ZBTB7C: variants seen among roughly 807,000 people sequenced by gnomAD.
ZBTB7C encodes zinc finger and BTB domain-containing protein 7C.
In ZBTB7C, 8 loss-of-function variants were observed where a neutral mutation model predicts 25.7. The observed-to-expected ratio is 0.31, with a 90% CI of 0.18 to 0.56. The LOEUF (loss-of-function observed/expected upper bound fraction) is 0.56, where lower values mean the gene tolerates loss of function less well. Ranked by LOEUF, ZBTB7C falls within the 20% of genes least tolerant of loss-of-function variation. The pLI is 0.91. For synonymous variants in ZBTB7C, 394 were observed against 369.0 expected, an observed-to-expected ratio of 1.07 and a Z score of -0.78; for missense variants, 824 against 855.2, an observed-to-expected ratio of 0.96 and a Z score of 0.46.
chr18:48,291,559 G>A (rs1598796574), intron 2 of ZBTB7C, among the ~76,000 whole-genome samples: 1 of 152,256 alleles, frequency 6.6e-6, no homozygotes, highest in South Asian at 2.1e-4. Flanking sequence ...ACCGGGACAG[G>A]CAGCCCAGGA....
intron 1 of ZBTB7C, among the ~76,000 whole-genome samples, chr18:48,351,422 C>T (rs1464191971): frequency 6.6e-6 from 1 of 152,140 alleles, no homozygotes; most frequent in African/African-American, 2.4e-5. Context: ...TCTCAACCAG[C>T]AAACTTCTCC....
intron 2 of ZBTB7C, among the ~76,000 whole-genome samples, chr18:48,201,025 T>A (rs2042432845): frequency 6.6e-6 from 1 of 152,168 alleles, no homozygotes; most frequent in African/African-American, 2.4e-5. Context: ...CATGTGGGCA[T>A]CGCACCTGCG....
chr18:48,146,862 G>A (rs72922118), intron 3 of ZBTB7C, among the ~76,000 whole-genome samples: 26,090 of 152,190 alleles, frequency 0.17, 2,361 homozygotes, highest in South Asian at 0.24. Flanking sequence ...TGCCACAGAA[G>A]TCACCAAATT....
intron 3 of ZBTB7C, among the ~76,000 whole-genome samples, chr18:48,087,977 G>T (rs995834452): frequency 2.0e-5 from 3 of 151,864 alleles, no homozygotes; most frequent in Non-Finnish European, 2.9e-5. Context: ...GACTAAAACA[G>T]TAGCTTTATA....
At chr18:48,067,282 T>C (rs1436202284) in intron 3 of ZBTB7C, among the ~76,000 whole-genome samples, 3 of 152,170 alleles carry the variant, frequency 2.0e-5, no homozygotes, top group African/African-American at 7.2e-5. Context: ...TATGAGTCCA[T>C]GATAAATAAA....
At chr18:48,112,309 C>T (rs2039275122) in intron 3 of ZBTB7C, among the ~76,000 whole-genome samples, 3 of 109,976 alleles carry the variant, frequency 2.7e-5, no homozygotes, top group Non-Finnish European at 5.2e-5. Context: ...TCCCACCCAT[C>T]CTTCCTTCTT....
intron 2 of ZBTB7C, among the ~76,000 whole-genome samples, chr18:48,206,814 G>A (rs563599322): frequency 5.1e-4 from 78 of 152,236 alleles, no homozygotes; most frequent in African/African-American, 1.9e-3. Context: ...AAAGAAGTTC[G>A]TTAAACAGGA....
At chr18:48,133,334 G>A (rs2040044882) in intron 3 of ZBTB7C, among the ~76,000 whole-genome samples, 1 of 152,200 alleles carries the variant, frequency 6.6e-6, no homozygotes, top group South Asian at 2.1e-4. Context: ...AGATGGAGGG[G>A]GCCTTCCAAA....
chr18:48,081,760 T>G (rs2037994337), intron 3 of ZBTB7C, among the ~76,000 whole-genome samples: 1 of 152,142 alleles, frequency 6.6e-6, no homozygotes, highest in African/African-American at 2.4e-5. Flanking sequence ...TTGTGCTGTG[T>G]GACCTGGAAG....
intron 3 of ZBTB7C, chr18:48,149,192 G>A (rs941226535): frequency 7.1e-6 from 1 of 140,316 alleles, no homozygotes; most frequent in Admixed American, 7.0e-5. Flanking sequence ...GTGTGCGCAC[G>A]TGTGTGTGCA....
At chr18:48,043,417 T>C (rs561819084) in intron 3 of ZBTB7C, among the ~76,000 whole-genome samples, 5 of 152,340 alleles carry the variant, frequency 3.3e-5, no homozygotes, top group Non-Finnish European at 4.4e-5. Context: ...AAGGAGTGAA[T>C]TCTCAATATG....
chr18:48,046,341 T>C (rs2144207813), intron 3 of ZBTB7C, among the ~76,000 whole-genome samples: 1 of 152,354 alleles, frequency 6.6e-6, no homozygotes, highest in Non-Finnish European at 1.5e-5. Context: ...ATTGAGGAAG[T>C]GACACCTTTT....
intron 2 of ZBTB7C, among the ~76,000 whole-genome samples, chr18:48,308,236 A>G (rs2045724889): frequency 6.6e-6 from 1 of 152,010 alleles, no homozygotes; most frequent in African/African-American, 2.4e-5. Context: ...TGCTTCTTCC[A>G]CTCCCTGCCC....
intron 2 of ZBTB7C, among the ~76,000 whole-genome samples, chr18:48,273,370 T>C (rs1368002943): frequency 1.3e-5 from 2 of 151,616 alleles, no homozygotes; most frequent in South Asian, 2.1e-4. Flanking sequence ...AGAAAAAAAA[T>C]AGCAATCCTA....
chr18:48,095,162 T>C (rs7226647), intron 3 of ZBTB7C, among the ~76,000 whole-genome samples: 62,952 of 152,012 alleles, frequency 0.41, 16,511 homozygotes, highest in African/African-American at 0.75. Context: ...CATCAGAACT[T>C]AGACACATTC....
At chr18:48,324,465 A>C (rs988135520) in intron 2 of ZBTB7C, among the ~76,000 whole-genome samples, 2 of 152,124 alleles carry the variant, frequency 1.3e-5, no homozygotes, top group Admixed American at 1.3e-4. Flanking sequence ...TAAATAAATG[A>C]GACATCTATT....
At chr18:48,295,238 T>C (rs1170322255) in intron 2 of ZBTB7C, among the ~76,000 whole-genome samples, 2 of 152,160 alleles carry the variant, frequency 1.3e-5, no homozygotes, top group Non-Finnish European at 2.9e-5. Context: ...GGCCTGGGAA[T>C]ATGCATTCTG....
chr18:48,051,757 T>G (rs7239672), intron 3 of ZBTB7C, among the ~76,000 whole-genome samples: 63,758 of 151,940 alleles, frequency 0.42, 14,078 homozygotes, highest in East Asian at 0.58. Context: ...TTTGCTAGGG[T>G]GCAACTGCAG....
chr18:48,079,990 C>T (rs1305993361), intron 3 of ZBTB7C, among the ~76,000 whole-genome samples: 1 of 152,230 alleles, frequency 6.6e-6, no homozygotes, highest in Non-Finnish European at 1.5e-5. Context: ...TGAGTCTGTG[C>T]TAACGACACC....
Sources: gnomAD v4.1 joint callset for allele counts (sites outside exome capture counted in the v4.1 genomes callset) on GRCh38, gnomAD v4.1.1 for gene constraint, MANE v1.5 for transcripts, NCBI Gene and HGNC (gene_info 2026-07-23, HGNC 2026-07-21) for gene names.